The following TRIO variants were observed in gnomAD, a reference collection of about 807,000 sequenced individuals.
TRIO encodes trio Rho guanine nucleotide exchange factor.
TRIO carries 58 observed loss-of-function variants against 351.9 expected under a neutral mutation model. The ratio of observed to expected loss-of-function variants is 0.16; its 90% CI spans 0.13 to 0.21. The LOEUF (loss-of-function observed/expected upper bound fraction) is 0.21, where lower values mean the gene tolerates loss of function less well. Among genes scored for constraint, TRIO ranks in the 10% least tolerant of loss-of-function variants. The probability of loss-of-function intolerance (pLI) is 1.00; values close to 1 mark genes in which losing one functional copy is unlikely to be tolerated. For synonymous variants in TRIO, 1,758 were observed against 1,595.7 expected (o/e 1.10, Z -2.42); for missense variants, 3,201 against 4,027.8 (o/e 0.79, Z 5.56).
At chr5:14,256,326 C>T (rs775156978) in intron 1 of TRIO, among the ~76,000 whole-genome samples, 5 of 152,164 alleles carry the variant, frequency 3.3e-5, no homozygotes, top group Admixed American at 6.5e-5. Context: ...GACTCAAACA[C>T]CTCCCACCAC....
intron 28 of TRIO, among the ~76,000 whole-genome samples, chr5:14,396,189 A>T (rs1396156275): frequency 6.6e-6 from 1 of 151,994 alleles, no homozygotes; most frequent in Non-Finnish European, 1.5e-5. Context: ...GAGAGATGTA[A>T]TTCAACCATT....
At chr5:14,364,449 A>G (rs891874037) in intron 14 of TRIO, among the ~76,000 whole-genome samples, 3 of 152,236 alleles carry the variant, frequency 2.0e-5, no homozygotes, top group Non-Finnish European at 4.4e-5. Context: ...TGGGAGTAGA[A>G]ATGGATGGGA....
At position 14,485,871 on chromosome 5, in the gene TRIO, C is replaced by A. The variant is rs1258646854; in HGVS notation, c.6835+625C>A. ...GGCGTGGTGGCGCATGCCTGTAATC[C>A]CAGCTACTCAGGAGGCTGAGGCAGG... On this transcript the variant is annotated intron_variant, in intron 47 of 56. Coordinates refer to ENST00000344204, the MANE Select transcript of TRIO (RefSeq NM_007118.4). Among the ~76,000 whole-genome samples, 5 of 152,206 alleles carry A rather than the reference C, an allele frequency of 3.3e-5. No homozygotes were observed. In the South Asian group the frequency reaches 8.3e-4, roughly 25 times the overall value.
In TRIO at chr5:14,336,571, A is replaced by C. The variant is rs770410054; in HGVS notation, c.1890A>C (p.Ala630=). Residue 630 remains alanine, a synonymous_variant, in exon 11 of 57, where the codon GCA becomes GCC. Transcript: ENST00000344204. ...CCAATGCGGATAAATTACTGGAAGCAGCAGAACAGCTGGCTCAGACTGGGG... is the reference window on the plus strand; with the variant it reads ...CCAATGCGGATAAATTACTGGAAGCCGCAGAACAGCTGGCTCAGACTGGGG... The part of the protein sequence containing the change: ...TYTNADKLLE[A]AEQLAQTGEC... The C allele has an allele frequency of 5.6e-6, 9 of 1,614,234 alleles. No homozygotes were observed. Among genetic ancestry groups the C allele is most frequent in the Non-Finnish European group, 6.8e-6 (8 of 1,180,044 alleles).
chr5:14,350,271 C>T (rs77864877), intron 11 of TRIO, among the ~76,000 whole-genome samples: 8,704 of 152,190 alleles, frequency 0.057, 297 homozygotes, highest in African/African-American at 0.087. Context: ...TTTGGCCAAC[C>T]GCAGTGAGAG....
At chr5:14,160,304 C>A (rs567403705) in intron 1 of TRIO, among the ~76,000 whole-genome samples, 2 of 152,276 alleles carry the variant, frequency 1.3e-5, no homozygotes, top group South Asian at 4.1e-4. Context: ...GGGGGGTGAC[C>A]TTTTCATGAT....
intron 34 of TRIO, among the ~76,000 whole-genome samples, chr5:14,445,982 C>T (rs545123021): frequency 3.8e-4 from 58 of 152,334 alleles, no homozygotes; most frequent in African/African-American, 1.3e-3. Flanking sequence ...CTGTCGCCTC[C>T]GGTCTGTGGC....
intron 3 of TRIO, among the ~76,000 whole-genome samples, chr5:14,283,629 C>T (rs1736197657): frequency 6.6e-6 from 1 of 152,112 alleles, no homozygotes; most frequent in Admixed American, 6.5e-5. Context: ...TTTCTAGAGG[C>T]AGATCACATT....
chr5:14,333,180 C>T (rs1204495674), intron 10 of TRIO, among the ~76,000 whole-genome samples: 2 of 152,300 alleles, frequency 1.3e-5, no homozygotes, highest in East Asian at 3.9e-4. Flanking sequence ...CCCTCCCACT[C>T]CCACACTACA....
Position 14,419,974 on chromosome 5 carries a change from C to A in TRIO, c.5156C>A (p.Ala1719Asp). The change falls in exon 34 of 57, where the codon GCC becomes GAC. Residue 1719 changes from alanine to aspartate, a missense_variant. Physicochemically the swap from Ala to Asp is moderately radical, Grantham distance 126. Around this residue, in one of 19 missense-constraint regions of TRIO, gnomAD observed 193 missense variants for 218.8 expected, o/e 0.88. Coordinates refer to ENST00000344204, the MANE Select transcript of TRIO (RefSeq NM_007118.4). ...GTCCCCTGTGGTTCACTGTGCATCG[C>A]CCACTCCAGAAGTAGCATGGAAATG... The part of the protein sequence containing the change: ...GLVPCGSLCI[A>D]HSRSSMEMEG... 6.2e-7 allele frequency: 1 copy of A among 1,614,198 alleles called. No individual in the cohort carries two copies. Among genetic ancestry groups the A allele is most frequent in the South Asian group, 1.1e-5 (1 of 91,080 alleles).
intron 1 of TRIO, among the ~76,000 whole-genome samples, chr5:14,259,037 T>C (rs765144854): frequency 6.6e-6 from 1 of 152,158 alleles, no homozygotes; most frequent in Non-Finnish European, 1.5e-5. Flanking sequence ...ACAAGTGAGC[T>C]GGTCGTTTCC....
At chr5:14,232,678 G>C (rs1044936679) in intron 1 of TRIO, among the ~76,000 whole-genome samples, 1 of 152,170 alleles carries the variant, frequency 6.6e-6, no homozygotes, top group African/African-American at 2.4e-5. Context: ...CTAATAGCGA[G>C]GTGTGTATCC....
intron 49 of TRIO, among the ~76,000 whole-genome samples, chr5:14,493,046 T>C (rs2126661880): frequency 6.6e-6 from 1 of 152,330 alleles, no homozygotes; most frequent in South Asian, 2.1e-4. Flanking sequence ...TTCTAGCACA[T>C]TGTTGAGGAA....
rs1755491319 is a variant in TRIO, at chr5:14,481,268, A to G, written c.6371A>G (p.Asp2124Gly). 6.2e-7 allele frequency: 1 copy of G among 1,614,088 alleles called. No individual in the cohort carries two copies. Among genetic ancestry groups the G allele is most frequent in the Non-Finnish European group, 8.5e-7 (1 of 1,180,012 alleles). The part of the protein sequence containing the change: ...FLKYSKKASL[D>G]TSELERAVEV... ...AAGTATTCCAAAAAGGCCAGCCTGG[A>G]TACATCAGAATTAGAGGTACATGCA... Residue 2124 changes from aspartate to glycine, a missense_variant, in exon 44 of 57, where the codon GAT (aspartate) becomes GGT (glycine). Asp to Gly is a moderately conservative substitution (Grantham distance 94). Transcript: ENST00000344204.
chr5:14,292,762 TCTTTA>T (rs1378363024), intron 5 of TRIO, among the ~76,000 whole-genome samples: 1 of 152,208 alleles, frequency 6.6e-6, no homozygotes, highest in Non-Finnish European at 1.5e-5. Context: ...AGAGTAACTC[TCTTTA>T]CTTATCTGCT....
At chr5:14,145,123 G>T (rs1208697190) in intron 1 of TRIO, among the ~76,000 whole-genome samples, 1 of 152,174 alleles carries the variant, frequency 6.6e-6, no homozygotes, top group African/African-American at 2.4e-5. Flanking sequence ...TGCGCTGGGG[G>T]ACGCGCGGGA....
rs745830518 is a variant in TRIO at position 14,280,419 on chromosome 5, T to C, written c.330T>C (p.Tyr110=). ...RQEDLRRLIS[Y]LACIPSEEVC... ...AGGATCTCAGGAGACTCATTTCCTATCTAGCCTGTATTCCCAGGTAAGTTC... is the reference window on the plus strand; with the variant it reads ...AGGATCTCAGGAGACTCATTTCCTACCTAGCCTGTATTCCCAGGTAAGTTC... Residue 110 remains tyrosine (Y), a synonymous_variant, in exon 3 of 57, where the codon TAT becomes TAC. Transcript: ENST00000344204. 1 of 1,614,146 alleles carries C rather than the reference T, an allele frequency of 6.2e-7. No homozygotes were observed. The highest frequency in any genetic ancestry group is 1.7e-5 in the Admixed American group (1 of 60,034).
intron 1 of TRIO, among the ~76,000 whole-genome samples, chr5:14,229,745 G>A (rs1045386411): frequency 1.3e-5 from 2 of 152,174 alleles, no homozygotes; most frequent in African/African-American, 4.8e-5. Flanking sequence ...ATTAACACAT[G>A]CTGAAAACAC....
chr5:14,488,970 G>C (rs1164385557), intron 48 of TRIO: 1 of 764,836 alleles, frequency 1.3e-6, no homozygotes, highest in Admixed American at 1.7e-5. Flanking sequence ...AAGGGTTGCT[G>C]TGGTGGGTTT....
Sources: gnomAD v4.1 joint callset for allele counts (sites outside exome capture counted in the v4.1 genomes callset) on GRCh38, gnomAD v4.1.1 for gene constraint, gnomAD v4.1.1 regional missense constraint, MANE v1.5 for transcripts, NCBI Gene and HGNC (gene_info 2026-07-23, HGNC 2026-07-21) for gene names.